The following INVS variants were observed in gnomAD, a reference collection of about 807,000 sequenced individuals.
INVS encodes inversion of embryo turning homolog.
A neutral mutation model predicts 108.8 loss-of-function variants in INVS; 86 were observed. The ratio of observed to expected loss-of-function variants is 0.79; its 90% CI spans 0.66 to 0.95. The LOEUF is 0.95. INVS is among the 40% of genes least tolerant of loss of function. The pLI, the probability that INVS is intolerant of heterozygous loss-of-function variation, is 0.00. For missense variants in INVS, 1,169 were observed against 1,297.4 expected (o/e 0.90, Z 1.52); for synonymous variants, 455 against 473.5 (o/e 0.96, Z 0.51).
Position 100,292,208 on chromosome 9 carries a change from G to T in INVS, c.2069-118G>T. 3.2e-6 allele frequency: 3 copies of T among 932,538 alleles called. No individual in the cohort carries two copies. In the Admixed American group the frequency reaches 5.5e-5, roughly 17 times the overall value. The allele number at this position is 932,538 out of a possible 1,614,324, so 57.8% of individuals were successfully genotyped here. A position where few individuals can be genotyped will look rare whatever the true frequency, so the allele number is the denominator to read the frequency against. On this transcript the variant is annotated intron_variant, in intron 13 of 16. Coordinates refer to ENST00000262457, the MANE Select transcript of INVS (RefSeq NM_014425.5). ...AGTTAAACCGTTTTTTTCCTAGTCTGTAACTGCCACTATTATGGTGATGAT... is the reference window on the plus strand; with the variant it reads ...AGTTAAACCGTTTTTTTCCTAGTCTTTAACTGCCACTATTATGGTGATGAT...
In INVS at chr9:100,246,762, C is replaced by T; in HGVS notation, c.1053C>T (p.Asn351=). The part of the protein sequence containing the change: ...MLSLKSDIDI[N]MADKYGGTAL... Reference sequence around the variant, plus strand: ...GCTTAAAATCGGACATAGATATTAACATGGCTGACAAATATGGAGGTACAG... The same window carrying T: ...GCTTAAAATCGGACATAGATATTAATATGGCTGACAAATATGGAGGTACAG... The change falls in exon 8 of 17, where the codon AAC becomes AAT. Residue 351 remains asparagine (N), a synonymous_variant. Coordinates refer to ENST00000262457, the MANE Select transcript of INVS (RefSeq NM_014425.5). The T allele has an allele frequency of 6.2e-7, 1 of 1,614,056 alleles. No individual in the cohort carries two copies. The highest frequency in any genetic ancestry group is 8.5e-7 in the Non-Finnish European group (1 of 1,179,924).
intron 3 of INVS, among the ~76,000 whole-genome samples, chr9:100,156,955 CAT>C (rs980565969): frequency 7.1e-6 from 1 of 141,378 alleles, no homozygotes; most frequent in Non-Finnish European, 1.5e-5. Flanking sequence ...CACACACACA[CAT>C]ATATATATAG....
At chr9:100,256,883 CT>C (rs1832438021) in intron 10 of INVS, among the ~76,000 whole-genome samples, 1 of 152,140 alleles carries the variant, frequency 6.6e-6, no homozygotes, top group South Asian at 2.1e-4. Flanking sequence ...AATGTATATT[CT>C]GTTGATTTGG....
chr9:100,249,436 G>T lies in INVS; in HGVS notation c.1078+2649G>T, dbSNP rs983732510. On this transcript the variant is annotated intron_variant, in intron 8 of 16. Transcript: ENST00000262457. ...AAAATAAAATTTCAATTAAGTAAAA[G>T]ATAAAATTAATGATCATATTAAAGG... 3.4e-4 allele frequency among the ~76,000 whole-genome samples: 51 copies of T among 152,054 alleles called. 1 individual carries two copies. In the Middle Eastern group the frequency reaches 0.02, roughly 61 times the overall value.
intron 14 of INVS, among the ~76,000 whole-genome samples, chr9:100,295,324 A>G (rs1588152686): frequency 6.6e-6 from 1 of 152,218 alleles, no homozygotes; most frequent in Non-Finnish European, 1.5e-5. Context: ...AGGTAACTAC[A>G]CAGGCCCCCT....
At chr9:100,235,468 T>C (rs1355761207) in intron 5 of INVS, among the ~76,000 whole-genome samples, 4 of 152,252 alleles carry the variant, frequency 2.6e-5, no homozygotes, top group African/African-American at 9.6e-5. Flanking sequence ...ATGGTTGGTC[T>C]TTATATATTG....
chr9:100,099,911 C>T (rs1169408032), intron 1 of INVS, among the ~76,000 whole-genome samples: 1 of 152,204 alleles, frequency 6.6e-6, no homozygotes, highest in Non-Finnish European at 1.5e-5. Context: ...CTGCTCCCGC[C>T]TTTGCTTCAG....
intron 3 of INVS, among the ~76,000 whole-genome samples, chr9:100,134,535 G>A (rs1397060829): frequency 2.0e-5 from 3 of 152,056 alleles, no homozygotes; most frequent in Admixed American, 6.6e-5. Context: ...TTTCCATAGC[G>A]GCTGTACTAG....
rs11789335 is a variant in INVS, at chr9:100,230,048, C to T, written c.615+221C>T. ...TCCCAGTTTTTAAACGCATTCATTCCCCCTACGCCGTGCTCATTCCTGTAC... is the reference window on the plus strand; with the variant it reads ...TCCCAGTTTTTAAACGCATTCATTCTCCCTACGCCGTGCTCATTCCTGTAC... On this transcript the variant is annotated intron_variant, in intron 5 of 16. Coordinates refer to ENST00000262457, the MANE Select transcript of INVS (RefSeq NM_014425.5). 0.18 allele frequency among the ~76,000 whole-genome samples: 26,900 copies of T among 152,010 alleles called. 3,616 individuals are homozygous for T. The highest frequency in any genetic ancestry group is 0.38 in the African/African-American group (15,858 of 41,380).
rs544741404 is a variant in INVS at position 100,300,327 on chromosome 9, G to A, written c.3092-241G>A. 5.3e-5 allele frequency among the ~76,000 whole-genome samples: 8 copies of A among 152,268 alleles called. No homozygotes were observed. The East Asian group carries it at 5.8e-4, about 11-fold the overall frequency. ...AGGCAGACTGAAGACCGAGGTTCTG[G>A]TACCAGCTCCCCAAGTGCCTGCTCT... On this transcript the variant is annotated intron_variant, in intron 16 of 16. Transcript: ENST00000262457.
chr9:100,279,909 G>GA (rs1411222537), intron 12 of INVS, among the ~76,000 whole-genome samples: 1 of 152,136 alleles, frequency 6.6e-6, no homozygotes, highest in Non-Finnish European at 1.5e-5. Flanking sequence ...TAGTGGGGTA[G>GA]AAAAAATATC....
chr9:100,113,912 T>C (rs1827424796), intron 2 of INVS, among the ~76,000 whole-genome samples: 1 of 152,196 alleles, frequency 6.6e-6, no homozygotes, highest in Admixed American at 6.6e-5. Context: ...ACTTCCTCCA[T>C]TAGCACAGTT....
intron 3 of INVS, among the ~76,000 whole-genome samples, chr9:100,167,728 A>T (rs1829411723): frequency 6.6e-6 from 1 of 152,152 alleles, no homozygotes; most frequent in Admixed American, 6.6e-5. Context: ...TTTATTCACT[A>T]ATTTATCCCC....
At chr9:100,249,497 A>T (rs1364926145) in intron 8 of INVS, among the ~76,000 whole-genome samples, 1 of 151,924 alleles carries the variant, frequency 6.6e-6, no homozygotes, top group African/African-American at 2.4e-5. Flanking sequence ...ATTTATTTTT[A>T]TTTATTTATT....
At chr9:100,196,133 CG>C (rs1214441331) in intron 3 of INVS, among the ~76,000 whole-genome samples, 1 of 151,918 alleles carries the variant, frequency 6.6e-6, no homozygotes, top group Non-Finnish European at 1.5e-5. Flanking sequence ...TTTTTCTTTT[CG>C]ATTTGGTAGG....
At chr9:100,214,032 A>G (rs746874768) in intron 3 of INVS, among the ~76,000 whole-genome samples, 62 of 152,160 alleles carry the variant, frequency 4.1e-4, no homozygotes, top group Non-Finnish European at 8.8e-4. Flanking sequence ...TACATCAGCT[A>G]CTTTTATTTA....
At chr9:100,194,579 A>G (rs1830319404) in intron 3 of INVS, among the ~76,000 whole-genome samples, 1 of 148,152 alleles carries the variant, frequency 6.7e-6, no homozygotes, top group South Asian at 2.1e-4. Flanking sequence ...TTTCAGCCTT[A>G]TTTAACTGGC....
chr9:100,294,985 T>C (rs1217460715), intron 14 of INVS, among the ~76,000 whole-genome samples: 1 of 152,206 alleles, frequency 6.6e-6, no homozygotes, highest in Non-Finnish European at 1.5e-5. Flanking sequence ...ACAGAGCAAG[T>C]GCCAGGGCTG....
chr9:100,255,938 T>A (rs1198326298), intron 10 of INVS, among the ~76,000 whole-genome samples: 1 of 152,222 alleles, frequency 6.6e-6, no homozygotes. Context: ...TAAAATGATT[T>A]AGGGAGGATT....
Sources: allele counts gnomAD v4.1 joint callset (sites outside exome capture counted in the v4.1 genomes callset), GRCh38; gene constraint gnomAD v4.1.1; transcripts MANE v1.5; gene names NCBI Gene and HGNC (gene_info 2026-07-23, HGNC 2026-07-21).